The following NOMO1 variants were observed in gnomAD, a reference collection of about 807,000 sequenced individuals.
The protein encoded by NOMO1 is nodal modulator 3.
Under a neutral mutation model 133.8 loss-of-function variants are expected in NOMO1, and 40 were observed. The ratio of observed to expected loss-of-function variants is 0.30; its 90% confidence interval spans 0.23 to 0.39. The LOEUF (loss-of-function observed/expected upper bound fraction) is 0.39, where lower values mean the gene tolerates loss of function less well. Among genes scored for constraint, NOMO1 ranks in the 10% least tolerant of loss-of-function variants. The pLI, the probability that NOMO1 is intolerant of heterozygous loss-of-function variation, is 1.00. For synonymous variants in NOMO1, 236 were observed against 570.5 expected (o/e 0.41, Z 8.36); for missense variants, 462 against 1,419.9 (o/e 0.33, Z 10.84).
Position 14,893,051 on chromosome 16 carries a change from GTGGGTGT to G in NOMO1, c.3445-1944_3445-1938del, listed in dbSNP as rs578221068. ...TCAAGTTTCACAGCATCCACCCCCA[GTGGGTGT>G]TGTTCATATGATCTCCATGTCATAG... On this transcript the variant is annotated intron_variant, in intron 29 of 30. Coordinates refer to ENST00000287667, the MANE Select transcript of NOMO1 (RefSeq NM_014287.4). Among the ~76,000 whole-genome samples the G allele has an allele frequency of 1.2e-3, 176 of 150,330 alleles. 1 individual carries two copies. The highest frequency in any genetic ancestry group is 4.3e-3 in the African/African-American group (174 of 40,824).
intron 4 of NOMO1, among the ~76,000 whole-genome samples, chr16:14,845,183 G>C (rs927135441): frequency 6.6e-6 from 1 of 151,780 alleles, no homozygotes; most frequent in Non-Finnish European, 1.5e-5. Context: ...GATTACAAGT[G>C]TGTGCCACCA....
At chr16:14,894,203 AAGGCGTCAGGGGACCC>A (rs1964446519) in intron 29 of NOMO1, among the ~76,000 whole-genome samples, 1 of 151,994 alleles carries the variant, frequency 6.6e-6, no homozygotes, top group African/African-American at 2.4e-5. Context: ...TGGTAGCTCC[AAGGCGTCAGGGGACCC>A]AGGCCCCTTC....
At chr16:14,884,211 C>G (rs1461033463) in intron 26 of NOMO1, among the ~76,000 whole-genome samples, 161 bp from the exon 27 acceptor site, 3 of 152,028 alleles carry the variant, frequency 2.0e-5, no homozygotes, top group African/African-American at 7.3e-5. Context: ...CATCTTCTGT[C>G]AGTTTGTGAC....
intron 26 of NOMO1, 29 bp downstream of exon 26, chr16:14,882,706 T>C: frequency 6.2e-7 from 1 of 1,611,616 alleles, no homozygotes; most frequent in African/African-American, 1.3e-5. Flanking sequence ...CCGCTGCACC[T>C]GGGTGTGGGT....
chr16:14,840,793 CTA>C (rs1430727038), intron 2 of NOMO1, among the ~76,000 whole-genome samples: 2 of 144,496 alleles, frequency 1.4e-5, no homozygotes, highest in African/African-American at 5.2e-5. Flanking sequence ...TCCTAAGTAG[CTA>C]AGACTGTAGG....
rs1421755137 is a variant in NOMO1, at chr16:14,885,183, C to T, written c.3222+701C>T. On this transcript the variant is annotated intron_variant, in intron 27 of 30. Transcript: ENST00000287667. ...ATCATCTCCCACCAGGCCCTACCTC[C>T]GGCACGGGGGATTACAATTCAACAT... is the stretch of plus-strand genomic sequence containing the variant. Among the ~76,000 whole-genome samples the T allele has an allele frequency of 7.2e-5, 11 of 152,210 alleles. No homozygotes were observed. The South Asian group carries it at 1.2e-3, about 17-fold the overall frequency.
chr16:14,879,179 G>A (rs1260898344), intron 23 of NOMO1, among the ~76,000 whole-genome samples: 2 of 151,844 alleles, frequency 1.3e-5, no homozygotes, highest in South Asian at 2.1e-4. Context: ...GTTAGCTTGC[G>A]TTTCTTCTGA....
intron 1 of NOMO1, 133 bp from the exon 2 acceptor site, chr16:14,838,274 T>A (rs1397308339): frequency 1.2e-6 from 1 of 821,144 alleles, no homozygotes; most frequent in Non-Finnish European, 1.9e-6. Context: ...TCCCCAGTAA[T>A]GCCCCGTGTT....
intron 16 of NOMO1, among the ~76,000 whole-genome samples, chr16:14,869,792 A>G (rs1964056236): frequency 6.6e-6 from 1 of 151,134 alleles, no homozygotes; most frequent in Non-Finnish European, 1.5e-5. Context: ...TGATAAGTTT[A>G]TGTTTAACCT....
chr16:14,888,626 A>C (rs1964361813), intron 28 of NOMO1: 1 of 284,826 alleles, frequency 3.5e-6, no homozygotes, highest in Admixed American at 5.1e-5. Flanking sequence ...CAGCACACAG[A>C]GCTGTGGCTG....
chr16:14,862,930 G>A, intron 11 of NOMO1, 83 bp from the exon 12 acceptor site: 1 of 1,600,510 alleles, frequency 6.2e-7, no homozygotes, highest in Non-Finnish European at 8.5e-7. Flanking sequence ...GGCTGGGAGA[G>A]GGCTGCATCT....
In NOMO1 at chr16:14,834,010, C is replaced by T. The variant is rs1963465890; in HGVS notation, c.159C>T (p.Leu53=). Residue 53 remains leucine (L), a synonymous_variant, in exon 1 of 31, where the codon CTC becomes CTT. Coordinates refer to ENST00000287667, the MANE Select transcript of NOMO1 (RefSeq NM_014287.4). ...CGGACGTGGAGATCAACTACTCTCT[C>T]ATCGAGGTGAGCGCCCGCCCCGCCG... ...VKSDVEINYS[L]IEIKLYTKHG... is the part of the protein sequence containing the mutation. The T allele has an allele frequency of 6.6e-6, 3 of 452,088 alleles. No individual in the cohort carries two copies. The highest frequency in any genetic ancestry group is 1.4e-4 in the South Asian group (2 of 14,160). The allele number at this position is 452,088 out of a possible 1,614,324, so 28.0% of individuals were successfully genotyped here.
chr16:14,884,229 G>A lies in NOMO1; in HGVS notation c.3112-143G>A, dbSNP rs567674097. The A allele has an allele frequency of 2.6e-4, 323 of 1,226,536 alleles. 4 individuals are homozygous for A. In the Middle Eastern group the frequency reaches 0.01, roughly 40 times the overall value. 76.0% of individuals were successfully genotyped at this position (1,226,536 alleles called of 1,614,324 possible). On this transcript the variant is annotated intron_variant, in intron 26 of 30. Transcript: ENST00000287667. ...CTTCTGTCAGTTTGTGACCTTGGAC[G>A]TAGGGTACTCAATGACAAACTTCGC...
chr16:14,867,720 G>T (rs1233953796), intron 15 of NOMO1, among the ~76,000 whole-genome samples: 1 of 148,428 alleles, frequency 6.7e-6, no homozygotes, highest in Non-Finnish European at 1.5e-5. Context: ...AGAAGAATTG[G>T]AACTGGTGTT....
At chr16:14,841,560 C>T (rs1309970818) in intron 3 of NOMO1, among the ~76,000 whole-genome samples, 153 bp downstream of exon 3, 1 of 136,874 alleles carries the variant, frequency 7.3e-6, no homozygotes, top group Non-Finnish European at 1.6e-5. Flanking sequence ...TTGCCCCCAT[C>T]ACTCTGGTTT....
In NOMO1 at chr16:14,878,852, T is replaced by G; in HGVS notation, c.2757+18T>G. ...CAAACCTGGTAACGTGTTCTGCAATTTACCACCTGCCTGTCTTCCCTGAGA... is the reference window on the plus strand; with the variant it reads ...CAAACCTGGTAACGTGTTCTGCAATGTACCACCTGCCTGTCTTCCCTGAGA... On this transcript the variant is annotated intron_variant, in intron 23 of 30. Transcript: ENST00000287667. 1.2e-6 allele frequency: 2 copies of G among 1,606,704 alleles called. No individual in the cohort carries two copies. The highest frequency in any genetic ancestry group is 1.1e-5 in the South Asian group (1 of 90,844).
At chr16:14,887,974 G>GTC (rs1450874436) in intron 28 of NOMO1, 20 of 148,830 alleles carry the variant, frequency 1.3e-4, no homozygotes, top group Non-Finnish European at 2.5e-4. Flanking sequence ...GAATCTGGAT[G>GTC]TCTCCCTCCT....
At chr16:14,855,941 T>C (rs1282306842) in intron 9 of NOMO1, among the ~76,000 whole-genome samples, 1 of 151,996 alleles carries the variant, frequency 6.6e-6, no homozygotes, top group Non-Finnish European at 1.5e-5. Flanking sequence ...AAGGACTACC[T>C]GTCATGTGAG....
At chr16:14,864,895 C>A in intron 13 of NOMO1, 129 bp from the exon 14 acceptor site, 6 of 1,132,088 alleles carry the variant, frequency 5.3e-6, no homozygotes, top group Non-Finnish European at 7.7e-6. Context: ...AGAAGCACTC[C>A]GTCTGCCTCC....
Sources: allele counts gnomAD v4.1 joint callset (sites outside exome capture counted in the v4.1 genomes callset), GRCh38; gene constraint gnomAD v4.1.1; transcripts MANE v1.5; gene names NCBI Gene and HGNC (gene_info 2026-07-23, HGNC 2026-07-21).